The following RIT2 variants were observed in gnomAD, a reference collection of about 807,000 sequenced individuals.
RIT2 encodes the protein GTP-binding protein Rit2.
A neutral mutation model predicts 23.7 loss-of-function variants in RIT2; 24 were observed. That is an observed-to-expected ratio of 1.01 (90% CI 0.73 to 1.43). The LOEUF is 1.43. Among genes scored for constraint, RIT2 ranks in the 40% most tolerant of loss-of-function variants. RIT2 has a pLI of 0.00. For synonymous variants in RIT2, 107 were observed against 91.1 expected (o/e 1.17, Z -0.99); for missense variants, 236 against 266.9 (o/e 0.88, Z 0.81).
At chr18:42,974,201 A>G in intron 2 of RIT2, 54 bp from the exon 3 acceptor site, 1 of 1,222,324 alleles carries the variant, frequency 8.2e-7, no homozygotes, top group South Asian at 1.3e-5. Flanking sequence ...AGGCATTATT[A>G]ATTTTTAGAT....
chr18:43,073,866 T>C (rs1051913342), intron 1 of RIT2, among the ~76,000 whole-genome samples: 12 of 152,162 alleles, frequency 7.9e-5, no homozygotes, highest in African/African-American at 2.9e-4. Flanking sequence ...GTTCTAGGAA[T>C]GTCTCATGGA....
At chr18:42,999,753 G>C (rs1159088108) in intron 2 of RIT2, among the ~76,000 whole-genome samples, 2 of 151,992 alleles carry the variant, frequency 1.3e-5, no homozygotes, top group Non-Finnish European at 2.9e-5. Context: ...ATTTTCAAAA[G>C]ATACAAAAAG....
At chr18:43,043,711 A>G (rs1040054549) in intron 1 of RIT2, among the ~76,000 whole-genome samples, 3 of 152,144 alleles carry the variant, frequency 2.0e-5, no homozygotes, top group East Asian at 1.9e-4. Flanking sequence ...AATTGCTTCA[A>G]TCAGGGAGGT....
intron 4 of RIT2, among the ~76,000 whole-genome samples, chr18:42,877,520 C>CTATATATATATATATA (rs144405918): frequency 1.4e-5 from 2 of 143,752 alleles, no homozygotes; most frequent in South Asian, 2.2e-4. Context: ...TTTGTATACA[C>CTATATATATATATATA]TATATATATA....
intron 4 of RIT2, among the ~76,000 whole-genome samples, chr18:42,748,841 C>CTTTCTT (rs1912979567): frequency 6.6e-6 from 1 of 151,816 alleles, no homozygotes; most frequent in Non-Finnish European, 1.5e-5. Flanking sequence ...ACCAAAATCT[C>CTTTCTT]AGAAATCAAC....
At chr18:43,038,084 A>C (rs1163426969) in intron 1 of RIT2, among the ~76,000 whole-genome samples, 1 of 151,692 alleles carries the variant, frequency 6.6e-6, no homozygotes, top group Non-Finnish European at 1.5e-5. Context: ...GGGTGCCTGT[A>C]ATCCTAGCTA....
chr18:42,873,842 G>C (rs1324300472), intron 4 of RIT2, among the ~76,000 whole-genome samples: 1 of 152,104 alleles, frequency 6.6e-6, no homozygotes, highest in Non-Finnish European at 1.5e-5. Flanking sequence ...CTCTATCCTT[G>C]GAAATAGTTT....
chr18:42,808,861 A>G (rs1408290880), intron 4 of RIT2, among the ~76,000 whole-genome samples: 2 of 152,170 alleles, frequency 1.3e-5, no homozygotes, highest in Non-Finnish European at 2.9e-5. Context: ...CAGGCTCTTT[A>G]CTAGTAACAG....
At chr18:42,901,393 C>G (rs529631369) in intron 4 of RIT2, among the ~76,000 whole-genome samples, 17 of 151,966 alleles carry the variant, frequency 1.1e-4, no homozygotes, top group African/African-American at 4.1e-4. Flanking sequence ...GACTTGAGTA[C>G]CTGGCAAACA....
intron 4 of RIT2, among the ~76,000 whole-genome samples, chr18:42,763,833 A>C (rs1913360568): frequency 6.6e-6 from 1 of 151,932 alleles, no homozygotes. Context: ...AAATTGTTTT[A>C]TTTTTTATTT....
chr18:42,996,045 C>T (rs1011875028), intron 2 of RIT2, among the ~76,000 whole-genome samples: 1 of 152,200 alleles, frequency 6.6e-6, no homozygotes, highest in Non-Finnish European at 1.5e-5. Context: ...CTTAGGCACT[C>T]TCTAATTGGA....
chr18:42,903,115 A>C (rs1001709324), intron 4 of RIT2, among the ~76,000 whole-genome samples: 1 of 152,034 alleles, frequency 6.6e-6, no homozygotes, highest in Non-Finnish European at 1.5e-5. Context: ...ATCATCTTGA[A>C]TATGACACCA....
intron 2 of RIT2, among the ~76,000 whole-genome samples, chr18:43,024,335 G>A (rs1011043420): frequency 6.6e-6 from 1 of 151,988 alleles, no homozygotes; most frequent in East Asian, 1.9e-4. Flanking sequence ...AAATGGTGCT[G>A]AAAAAACTGG....
intron 4 of RIT2, among the ~76,000 whole-genome samples, chr18:42,791,198 CT>C (rs537273075): frequency 1.2e-4 from 18 of 152,270 alleles, no homozygotes; most frequent in African/African-American, 2.4e-4. Flanking sequence ...ATCTAATTTT[CT>C]TTTTTTCTTA....
intron 4 of RIT2, among the ~76,000 whole-genome samples, chr18:42,828,239 T>G (rs907340357): frequency 6.6e-6 from 1 of 152,068 alleles, no homozygotes; most frequent in Non-Finnish European, 1.5e-5. Flanking sequence ...CAATTATCAA[T>G]TCAAAAAATA....
intron 2 of RIT2, among the ~76,000 whole-genome samples, chr18:43,002,755 C>A (rs1239991742): frequency 1.3e-5 from 2 of 151,914 alleles, no homozygotes; most frequent in African/African-American, 4.8e-5. Flanking sequence ...CCAAAGATGA[C>A]TAAGTCTTAA....
At chr18:42,762,416 T>C (rs2143901989) in intron 4 of RIT2, among the ~76,000 whole-genome samples, 1 of 152,230 alleles carries the variant, frequency 6.6e-6, no homozygotes, top group East Asian at 1.9e-4. Flanking sequence ...AAAATAAGTA[T>C]CCACAGAACA....
intron 2 of RIT2, among the ~76,000 whole-genome samples, chr18:42,992,982 T>G (rs1471756083): frequency 6.6e-6 from 1 of 152,168 alleles, no homozygotes; most frequent in Non-Finnish European, 1.5e-5. Context: ...ACAACAGGAC[T>G]TAATCAACCT....
At chr18:42,757,862 A>G (rs1212059379) in intron 4 of RIT2, among the ~76,000 whole-genome samples, 1 of 152,164 alleles carries the variant, frequency 6.6e-6, no homozygotes, top group Non-Finnish European at 1.5e-5. Flanking sequence ...ATCCCAAAAG[A>G]ATGATTTCAA....
Sources: gnomAD v4.1 joint callset for allele counts (sites outside exome capture counted in the v4.1 genomes callset) on GRCh38, gnomAD v4.1.1 for gene constraint, MANE v1.5 for transcripts, NCBI Gene and HGNC (gene_info 2026-07-23, HGNC 2026-07-21) for gene names.